Variants in FOXK1 observed in about 807,000 individuals in gnomAD.
The protein encoded by FOXK1 is forkhead box protein K1.
FOXK1 carries 19 observed loss-of-function variants against 51.9 expected under a neutral mutation model. That is an observed-to-expected ratio of 0.37 (90% confidence interval 0.26 to 0.54). The LOEUF (loss-of-function observed/expected upper bound fraction) is 0.54, where lower values mean the gene tolerates loss of function less well. FOXK1 is among the 20% of genes least tolerant of loss of function. FOXK1 has a pLI of 0.87. For missense variants in FOXK1, 870 were observed against 1,032.7 expected, an observed-to-expected ratio of 0.84 and a Z score of 2.16; for synonymous variants, 537 against 482.6, an observed-to-expected ratio of 1.11 and a Z score of -1.48.
Position 4,759,476 on chromosome 7 carries a change from G to A in FOXK1, c.1577G>A (p.Arg526Lys), listed in dbSNP as rs1245083310. The part of the protein sequence containing the change: ...VQQAPTVTMV[R>K]VVTTSANSAN... ...CAGGCCCCCACCGTCACCATGGTCA[G>A]GGTGGTCACCACATCTGCCAACTCG... The change falls in exon 7 of 9, where the codon AGG (arginine) becomes AAG (lysine). Residue 526 changes from arginine (R) to lysine (K), a missense_variant. Around this residue, in one of 3 missense-constraint regions of FOXK1, gnomAD observed 457 missense variants for 510.8 expected, o/e 0.89. Coordinates refer to ENST00000328914, the MANE Select transcript of FOXK1 (RefSeq NM_001037165.2). 2 of 1,587,050 alleles carry A rather than the reference G, an allele frequency of 1.3e-6. No individual in the cohort carries two copies. The highest frequency in any genetic ancestry group is 1.7e-6 in the Non-Finnish European group (2 of 1,171,894).
intron 1 of FOXK1, among the ~76,000 whole-genome samples, chr7:4,738,942 G>A (rs1487897442): frequency 2.0e-5 from 3 of 151,424 alleles, no homozygotes; most frequent in South Asian, 2.1e-4. Flanking sequence ...CTTTGAAGCG[G>A]GTCCCTGGGA....
Position 4,735,362 on chromosome 7 carries a change from G to A in FOXK1, c.561-5476G>A, listed in dbSNP as rs147719498. Among the ~76,000 whole-genome samples the A allele has an allele frequency of 7.9e-5, 12 of 152,204 alleles. No homozygotes were observed. Among genetic ancestry groups the A allele is most frequent in the African/African-American group, 2.7e-4 (11 of 41,460 alleles). The stretch of plus-strand genomic sequence containing the variant: ...CCCCAAAAACAGCTTGCCTGAGATC[G>A]ACTGCACATACCTTACAACTAACCC... On this transcript the variant is annotated intron_variant, in intron 1 of 8. Transcript: ENST00000328914. This position sits in a 1 kb window ranked among gnomAD's most constrained non-coding sequence, Gnocchi z 4.7.
At chr7:4,718,958 C>T (rs1046843823) in intron 1 of FOXK1, among the ~76,000 whole-genome samples, 2 of 152,090 alleles carry the variant, frequency 1.3e-5, no homozygotes, top group South Asian at 2.1e-4. Flanking sequence ...TAGAGGGACC[C>T]GCCACCACGC....
intron 1 of FOXK1, among the ~76,000 whole-genome samples, chr7:4,721,665 A>G (rs900820721): frequency 3.7e-5 from 5 of 133,610 alleles, no homozygotes; most frequent in Non-Finnish European, 7.6e-5. Flanking sequence ...ATCTTGGCTC[A>G]CTGCAACCTC....
chr7:4,708,615 G>A (rs1399384108), intron 1 of FOXK1, among the ~76,000 whole-genome samples: 1 of 152,240 alleles, frequency 6.6e-6, no homozygotes, highest in Non-Finnish European at 1.5e-5. Context: ...ACTTGTGTGT[G>A]GCCTGGTAAG....
chr7:4,717,058 T>A (rs1378107875), intron 1 of FOXK1, among the ~76,000 whole-genome samples: 2 of 133,376 alleles, frequency 1.5e-5, no homozygotes, highest in Non-Finnish European at 3.2e-5. Flanking sequence ...GGGAGGTGGC[T>A]GGGAGGCGTG....
Position 4,754,597 on chromosome 7 carries a change from TGGA to T in FOXK1, c.890_892del (p.Gly297del). 6.2e-7 allele frequency: 1 copy of T among 1,605,390 alleles called. No homozygotes were observed. Among genetic ancestry groups the T allele is most frequent in the Non-Finnish European group, 8.5e-7 (1 of 1,179,942 alleles). On this transcript the variant is annotated inframe_deletion, in exon 3 of 9. Coordinates refer to ENST00000328914, the MANE Select transcript of FOXK1 (RefSeq NM_001037165.2). Reference sequence around the variant, plus strand: ...CGTCGGAGCAGCAGGCAGACACGTCTGGAGGAGACAGCCCCAAGGTCTGAGCCC... The same window carrying T: ...CGTCGGAGCAGCAGGCAGACACGTCTGGAGACAGCCCCAAGGTCTGAGCCC...
chr7:4,732,684 G>A (rs1318079724), intron 1 of FOXK1, among the ~76,000 whole-genome samples: 3 of 152,162 alleles, frequency 2.0e-5, no homozygotes, highest in Non-Finnish European at 2.9e-5. Context: ...GTCTCACTTC[G>A]CAGAGGCAGT....
rs1348063054 is a variant in FOXK1, at chr7:4,759,488, C to T, written c.1589C>T (p.Thr530Ile). The T allele has an allele frequency of 1.3e-6, 2 of 1,583,406 alleles. No homozygotes were observed. Among genetic ancestry groups the T allele is most frequent in the Admixed American group, 1.8e-5 (1 of 56,946 alleles). The change falls in exon 7 of 9, where the codon ACA (threonine) becomes ATA (isoleucine). Residue 530 changes from threonine (T) to isoleucine (I), a missense_variant. Physicochemically the swap from Thr to Ile is moderately conservative, Grantham distance 89. Around this residue, in one of 3 missense-constraint regions of FOXK1, gnomAD observed 457 missense variants for 510.8 expected, o/e 0.89. Coordinates refer to ENST00000328914, the MANE Select transcript of FOXK1 (RefSeq NM_001037165.2). ...GTCACCATGGTCAGGGTGGTCACCACATCTGCCAACTCGGCCAACGGATAC... is the reference window on the plus strand; with the variant it reads ...GTCACCATGGTCAGGGTGGTCACCATATCTGCCAACTCGGCCAACGGATAC... ...PTVTMVRVVTTSANSANGYIL... is the reference protein window; with the variant it reads ...PTVTMVRVVTISANSANGYIL...
At chr7:4,685,501 C>A (rs1028999795) in intron 1 of FOXK1, among the ~76,000 whole-genome samples, 68 of 149,894 alleles carry the variant, frequency 4.5e-4, no homozygotes, top group African/African-American at 1.6e-3. Flanking sequence ...GGCATACAGG[C>A]GTGAGCCCCT....
Position 4,766,949 on chromosome 7 carries a change from A to T in FOXK1, c.*4485A>T, listed in dbSNP as rs936153393. The T allele has an allele frequency of 6.6e-6, 1 of 152,256 alleles. No individual in the cohort carries two copies. The highest frequency in any genetic ancestry group is 1.5e-5 in the Non-Finnish European group (1 of 68,062). 9.4% of individuals were successfully genotyped at this position (152,256 alleles called of 1,614,324 possible). ...GAAGCTTTTCCTTGGCTTTGAAATC[A>T]GTGTTTTTATGGAGACAAAGAACAG... On this transcript the variant is annotated 3_prime_UTR_variant, in exon 9 of 9. Coordinates refer to ENST00000328914, the MANE Select transcript of FOXK1 (RefSeq NM_001037165.2). This position sits in a 1 kb window ranked among gnomAD's most constrained non-coding sequence, Gnocchi z 5.5.
At chr7:4,698,517 C>T (rs898656761) in intron 1 of FOXK1, among the ~76,000 whole-genome samples, 3 of 152,094 alleles carry the variant, frequency 2.0e-5, no homozygotes, top group Admixed American at 2.0e-4. Flanking sequence ...AATGATGATC[C>T]CATATGATTA....
intron 1 of FOXK1, among the ~76,000 whole-genome samples, chr7:4,687,494 C>T (rs184993499): frequency 4.6e-5 from 7 of 151,706 alleles, no homozygotes; most frequent in African/African-American, 1.2e-4. Context: ...GGTTTCACCA[C>T]GTTGGCCAGG....
intron 1 of FOXK1, among the ~76,000 whole-genome samples, chr7:4,710,784 G>A (rs572477714): frequency 8.5e-5 from 13 of 152,144 alleles, no homozygotes; most frequent in South Asian, 4.2e-4. Flanking sequence ...CACGGGCCAC[G>A]ATACTGTTCA....
At position 4,729,064 on chromosome 7, in the gene FOXK1, C is replaced by T. The variant is rs1780417212; in HGVS notation, c.561-11774C>T. Among the ~76,000 whole-genome samples, 1 of 152,252 alleles carries T rather than the reference C, an allele frequency of 6.6e-6. No individual in the cohort carries two copies. The highest frequency in any genetic ancestry group is 1.5e-5 in the Non-Finnish European group (1 of 68,046). On this transcript the variant is annotated intron_variant, in intron 1 of 8. Coordinates refer to ENST00000328914, the MANE Select transcript of FOXK1 (RefSeq NM_001037165.2). This position sits in a 1 kb window ranked among gnomAD's most constrained non-coding sequence, Gnocchi z 6.2. ...AATTGCTCGTCGCAAGCAAGCTCTG[C>T]CCGGGTCAGCCCCAGAGGGTTGCAG...
rs1042003185 is a variant in FOXK1 at position 4,748,483 on chromosome 7, C to T, written c.747-5976C>T. Among the ~76,000 whole-genome samples, 13 of 152,214 alleles carry T rather than the reference C, an allele frequency of 8.5e-5. No individual in the cohort carries two copies. The highest frequency in any genetic ancestry group is 3.1e-4 in the African/African-American group (13 of 41,448). On this transcript the variant is annotated intron_variant, in intron 2 of 8. Coordinates refer to ENST00000328914, the MANE Select transcript of FOXK1 (RefSeq NM_001037165.2). The surrounding 1 kb of genome is among the most constrained non-coding windows in gnomAD (Gnocchi z 4.9). ...TTATTTCCGCCACACTCCCCCCGCT[C>T]TTGGGGTTAATAATGGCCTCTTCTC...
rs1780856344 is a variant in FOXK1 at position 4,756,643 on chromosome 7, TAGTCCCAG to T, written c.1051-350_1051-343del. Among the ~76,000 whole-genome samples, 1 of 151,692 alleles carries T rather than the reference TAGTCCCAG, an allele frequency of 6.6e-6. No homozygotes were observed. Among genetic ancestry groups the T allele is most frequent in the South Asian group, 2.1e-4 (1 of 4,812 alleles). The stretch of plus-strand genomic sequence containing the variant: ...AACCCAGCATGGTGGCCCACGCCCA[TAGTCCCAG>T]CTAGTCAGGAGGCTGAGGCAGGAGA... On this transcript the variant is annotated intron_variant, in intron 4 of 8. Coordinates refer to ENST00000328914, the MANE Select transcript of FOXK1 (RefSeq NM_001037165.2). This position sits in a 1 kb window ranked among gnomAD's most constrained non-coding sequence, Gnocchi z 4.1.
Position 4,749,773 on chromosome 7 carries a change from G to A in FOXK1, c.747-4686G>A, listed in dbSNP as rs1780751288. ...GAAGGACCGCAGCCCTGTGCCCTGG[G>A]GAAGGCTTGTCTTAGGCTCTGGGGA... On this transcript the variant is annotated intron_variant, in intron 2 of 8. Coordinates refer to ENST00000328914, the MANE Select transcript of FOXK1 (RefSeq NM_001037165.2). This position sits in a 1 kb window ranked among gnomAD's most constrained non-coding sequence, Gnocchi z 6.0. 6.6e-6 allele frequency among the ~76,000 whole-genome samples: 1 copy of A among 152,262 alleles called. No homozygotes were observed. The highest frequency in any genetic ancestry group is 1.5e-5 in the Non-Finnish European group (1 of 68,050).
intron 1 of FOXK1, among the ~76,000 whole-genome samples, chr7:4,706,915 C>T (rs1346745550): frequency 6.6e-6 from 1 of 152,242 alleles, no homozygotes; most frequent in African/African-American, 2.4e-5. Context: ...CCCCCCGGGA[C>T]TTCTGAGTTC....
Sources: allele counts gnomAD v4.1 joint callset (sites outside exome capture counted in the v4.1 genomes callset), GRCh38; gene constraint gnomAD v4.1.1; regional missense constraint gnomAD v4.1.1; non-coding constraint Gnocchi (gnomAD v3.1); transcripts MANE v1.5; gene names NCBI Gene and HGNC (gene_info 2026-07-23, HGNC 2026-07-21).